CLEC17A: variants seen among roughly 807,000 people sequenced by gnomAD.
The protein encoded by CLEC17A is C-type lectin domain containing 17A, also known as C-type lectin domain family 17, member A.
CLEC17A carries 37 observed loss-of-function variants against 61.3 expected under a neutral mutation model. The observed-to-expected ratio is 0.60, with a 90% CI of 0.46 to 0.79. CLEC17A has a LOEUF of 0.79. Among genes scored for constraint, CLEC17A ranks in the 30% least tolerant of loss-of-function variants. CLEC17A has a pLI of 0.00. For synonymous variants in CLEC17A, 168 were observed against 164.9 expected, an observed-to-expected ratio of 1.02 and a Z score of -0.14; for missense variants, 418 against 464.7, an observed-to-expected ratio of 0.90 and a Z score of 0.92.
chr19:14,595,400 G>A, intron 8 of CLEC17A, 85 bp downstream of exon 8: 2 of 1,475,206 alleles, frequency 1.4e-6, no homozygotes, highest in Non-Finnish European at 1.9e-6. Flanking sequence ...CTGAGTCAGA[G>A]GAACTTCTCC....
rs966993307 is a variant in CLEC17A at position 14,610,302 on chromosome 19, G to A, written c.*106G>A. The A allele has an allele frequency of 1.6e-5, 24 of 1,466,210 alleles. No homozygotes were observed. In the Admixed American group the frequency reaches 4.0e-4, roughly 24 times the overall value. The allele number at this position is 1,466,210 out of a possible 1,614,324, so 90.8% of individuals were successfully genotyped here. On this transcript the variant is annotated 3_prime_UTR_variant, in exon 14 of 14. Coordinates refer to ENST00000417570, the MANE Select transcript of CLEC17A (RefSeq NM_001204118.2). Reference sequence around the variant, plus strand: ...CCTCTTCGTGAGTGGACACACAGATGTGCCTCAAACAGGATTGGCACCCTG... The same window carrying A: ...CCTCTTCGTGAGTGGACACACAGATATGCCTCAAACAGGATTGGCACCCTG...
intron 13 of CLEC17A, among the ~76,000 whole-genome samples, chr19:14,608,457 C>T (rs187457773): frequency 6.6e-6 from 1 of 152,166 alleles, no homozygotes; most frequent in East Asian, 1.9e-4. Context: ...CAGGCTTGGC[C>T]AGACAGGGAC....
chr19:14,593,228 C>T (rs1392937172), intron 4 of CLEC17A, among the ~76,000 whole-genome samples: 1 of 150,746 alleles, frequency 6.6e-6, no homozygotes, highest in Non-Finnish European at 1.5e-5. Flanking sequence ...TGTAGTCCCA[C>T]TGCTTTGGGA....
At chr19:14,585,555 G>A (rs1001659300) in intron 2 of CLEC17A, among the ~76,000 whole-genome samples, 2 of 151,400 alleles carry the variant, frequency 1.3e-5, no homozygotes, top group African/African-American at 4.9e-5. Flanking sequence ...TGTGACTTGT[G>A]AGGCTAGATC....
chr19:14,605,544 AT>A (rs2074840171), intron 12 of CLEC17A, among the ~76,000 whole-genome samples: 1 of 152,160 alleles, frequency 6.6e-6, no homozygotes. Context: ...ACTAACCAAT[AT>A]TTATAATCTT....
upstream of CLEC17A, among the ~76,000 whole-genome samples, chr19:14,582,215 A>AT (rs35401111): frequency 0.2 from 27,252 of 139,104 alleles, 3,851 homozygotes; most frequent in African/African-American, 0.4. Flanking sequence ...TTGTAATGCC[A>AT]TTTTTTTTTT....
intron 11 of CLEC17A, 47 bp downstream of exon 11, chr19:14,599,859 G>A: frequency 6.5e-7 from 1 of 1,550,184 alleles, no homozygotes; most frequent in South Asian, 1.2e-5. Context: ...GCATGGCAGA[G>A]CTGGCACATT....
At chr19:14,603,468 CT>C (rs915354909) in intron 12 of CLEC17A, among the ~76,000 whole-genome samples, 2 of 150,778 alleles carry the variant, frequency 1.3e-5, no homozygotes, top group Non-Finnish European at 3.0e-5. Context: ...GTATAGCTCA[CT>C]TTTTTTTTGA....
At chr19:14,597,768 T>TA (rs1364088625) in intron 10 of CLEC17A, among the ~76,000 whole-genome samples, 1 of 150,080 alleles carries the variant, frequency 6.7e-6, no homozygotes, top group African/African-American at 2.5e-5. Flanking sequence ...CCCGGCTGGT[T>TA]AAAAAATTTT....
In CLEC17A at chr19:14,597,296, A is replaced by G. The variant is rs1433210171; in HGVS notation, c.646+135A>G. 22 of 755,610 alleles carry G rather than the reference A, an allele frequency of 2.9e-5. No homozygotes were observed. The East Asian group carries it at 4.6e-4, about 16-fold the overall frequency. 46.8% of individuals were successfully genotyped at this position (755,610 alleles called of 1,614,324 possible). A position where few individuals can be genotyped will look rare whatever the true frequency, so the allele number is the denominator to read the frequency against. On this transcript the variant is annotated intron_variant, in intron 10 of 13. Transcript: ENST00000417570. ...AGGTACCAGGGGGTTAAAATGGTAA[A>G]CATGTCAGACACAGTCTTTGTCTGA...
At chr19:14,604,486 C>T (rs564249809) in intron 12 of CLEC17A, among the ~76,000 whole-genome samples, 5 of 152,154 alleles carry the variant, frequency 3.3e-5, no homozygotes, top group African/African-American at 4.8e-5. Context: ...TAAAGTCGGC[C>T]GGCTGCAGTG....
intron 10 of CLEC17A, 103 bp from the exon 11 acceptor site, chr19:14,599,596 TGGAATGTGGACACAGTGG>T (rs1305374640): frequency 4.0e-6 from 3 of 755,168 alleles, no homozygotes; most frequent in Non-Finnish European, 7.1e-6. Context: ...CGTGACCCAC[TGGAATGTGGACACAGTGG>T]GGAACACAAC....
Position 14,594,523 on chromosome 19 carries a change from G to T in CLEC17A, c.284G>T (p.Ser95Ile), listed in dbSNP as rs1201595008. Residue 95 changes from serine (S) to isoleucine (I), a missense_variant, in exon 5 of 14, where the codon AGT becomes ATT. By Grantham distance (142) the Ser-to-Ile change is moderately radical (BLOSUM62 -2). Coordinates refer to ENST00000417570, the MANE Select transcript of CLEC17A (RefSeq NM_001204118.2). ...CTGAGCTTCTCTTCTCCAGGTTCAAGTGCTCCACCAAGACCTCCAAGGGCA... is the reference window on the plus strand; with the variant it reads ...CTGAGCTTCTCTTCTCCAGGTTCAATTGCTCCACCAAGACCTCCAAGGGCA... ...YKDLPPKPGS[S>I]APPRPPRAAK... The T allele has an allele frequency of 1.9e-6, 3 of 1,591,874 alleles. No homozygotes were observed. The highest frequency in any genetic ancestry group is 1.1e-5 in the South Asian group (1 of 88,058).
Position 14,610,558 on chromosome 19 carries a change from C to T in CLEC17A, c.*362C>T, listed in dbSNP as rs2075021692. 1 of 202,218 alleles carries T rather than the reference C, an allele frequency of 4.9e-6. No individual in the cohort carries two copies. The highest frequency in any genetic ancestry group is 2.3e-5 in the African/African-American group (1 of 43,304). 12.5% of individuals were successfully genotyped at this position (202,218 alleles called of 1,614,324 possible). On this transcript the variant is annotated 3_prime_UTR_variant, in exon 14 of 14. Transcript: ENST00000417570. The stretch of plus-strand genomic sequence containing the variant: ...AACCTGGGATGAAATATCCTGGCGC[C>T]TGTGAACCACAAAGAGCTGGGACTG...
intron 13 of CLEC17A, among the ~76,000 whole-genome samples, chr19:14,608,800 ATTT>A (rs71166766): frequency 2.3e-5 from 3 of 131,352 alleles, no homozygotes; most frequent in Non-Finnish European, 1.6e-5. Flanking sequence ...TGCCTGGCTA[ATTT>A]TTTTTTTTTT....
At chr19:14,589,820 G>A (rs1599537039) in intron 3 of CLEC17A, among the ~76,000 whole-genome samples, 1 of 148,000 alleles carries the variant, frequency 6.8e-6, no homozygotes, top group East Asian at 2.0e-4. Context: ...TGACTTGTGA[G>A]GCTAGATCAT....
Position 14,607,113 on chromosome 19 carries a change from G to A in CLEC17A, c.1004+11G>A. On this transcript the variant is annotated intron_variant, in intron 13 of 13. Coordinates refer to ENST00000417570, the MANE Select transcript of CLEC17A (RefSeq NM_001204118.2). ...TCCTGTGACATTAAGGCAAGTGCTT[G>A]GGTTTCCTGGGGTCTCTCTGCTTCC... 8.2e-7 allele frequency: 1 copy of A among 1,219,006 alleles called. No individual in the cohort carries two copies. 75.5% of individuals were successfully genotyped at this position (1,219,006 alleles called of 1,614,324 possible). A position where few individuals can be genotyped will look rare whatever the true frequency, so the allele number is the denominator to read the frequency against.
intron 12 of CLEC17A, among the ~76,000 whole-genome samples, chr19:14,604,646 C>A (rs1013588449): frequency 2.0e-5 from 3 of 151,814 alleles, no homozygotes; most frequent in African/African-American, 7.3e-5. Context: ...GGCTGTAATC[C>A]CAGCTACTCA....
intron 4 of CLEC17A, among the ~76,000 whole-genome samples, chr19:14,593,536 C>A (rs1161192618): frequency 2.0e-5 from 3 of 151,598 alleles, no homozygotes; most frequent in African/African-American, 7.3e-5. Context: ...GGGATGTGTG[C>A]CTGTTGTCCC....
Sources: gnomAD v4.1 joint callset for allele counts (sites outside exome capture counted in the v4.1 genomes callset) on GRCh38, gnomAD v4.1.1 for gene constraint, MANE v1.5 for transcripts, NCBI Gene and HGNC (gene_info 2026-07-23, HGNC 2026-07-21) for gene names.